CTNNA3: variants seen among roughly 807,000 people sequenced by gnomAD.
CTNNA3 encodes catenin alpha 3.
Under a neutral mutation model 95.7 loss-of-function variants are expected in CTNNA3, and 76 were observed. That is an observed-to-expected ratio of 0.79 (90% CI 0.66 to 0.96). The LOEUF (loss-of-function observed/expected upper bound fraction) is 0.96. Among genes scored for constraint, CTNNA3 ranks in the 40% least tolerant of loss-of-function variants. The pLI, the probability that CTNNA3 is intolerant of heterozygous loss-of-function variation, is 0.00. For synonymous variants in CTNNA3, 431 were observed against 374.4 expected (o/e 1.15, Z -1.74); for missense variants, 1,191 against 1,089.8 (o/e 1.09, Z -1.31).
At chr10:67,375,478 T>C (rs1843652003) in intron 5 of CTNNA3, among the ~76,000 whole-genome samples, 1 of 152,036 alleles carries the variant, frequency 6.6e-6, no homozygotes, top group South Asian at 2.1e-4. Flanking sequence ...CTGGGCGTGA[T>C]GGCATGTTAC....
intron 14 of CTNNA3, among the ~76,000 whole-genome samples, chr10:66,075,239 T>A (rs2080527543): frequency 6.6e-6 from 1 of 151,682 alleles, no homozygotes; most frequent in Non-Finnish European, 1.5e-5. Flanking sequence ...TTTAAATGAC[T>A]ATAATTACCC....
At chr10:66,827,444 CTCTACTTCT>C (rs1380439525) in intron 7 of CTNNA3, among the ~76,000 whole-genome samples, 1 of 152,202 alleles carries the variant, frequency 6.6e-6, no homozygotes, top group Non-Finnish European at 1.5e-5. Context: ...TTACCAAACA[CTCTACTTCT>C]TCATATTCAG....
intron 7 of CTNNA3, among the ~76,000 whole-genome samples, chr10:66,805,140 T>C (rs1465706827): frequency 6.6e-6 from 1 of 152,094 alleles, no homozygotes; most frequent in Non-Finnish European, 1.5e-5. Context: ...ATTAAACATG[T>C]CCTGTATGAC....
At chr10:66,836,805 C>A (rs1233786922) in intron 7 of CTNNA3, among the ~76,000 whole-genome samples, 1 of 152,098 alleles carries the variant, frequency 6.6e-6, no homozygotes, top group Admixed American at 6.5e-5. Context: ...TGAACCTCTA[C>A]TAAACTATTC....
chr10:66,297,089 T>C (rs1296256235), intron 12 of CTNNA3, among the ~76,000 whole-genome samples: 1 of 152,186 alleles, frequency 6.6e-6, no homozygotes, highest in Non-Finnish European at 1.5e-5. Context: ...TAATGAAATA[T>C]AATGTGTGAG....
chr10:67,606,788 A>G, intron 3 of CTNNA3, 69 bp downstream of exon 3: 1 of 1,264,626 alleles, frequency 7.9e-7, no homozygotes, highest in Non-Finnish European at 1.1e-6. Flanking sequence ...AAACACTCAC[A>G]AATCTAATTT....
At chr10:66,331,637 C>A (rs948015192) in intron 12 of CTNNA3, among the ~76,000 whole-genome samples, 2 of 151,806 alleles carry the variant, frequency 1.3e-5, no homozygotes, top group Non-Finnish European at 2.9e-5. Context: ...TTTCTGAGGG[C>A]TCTGTTCTGT....
intron 13 of CTNNA3, among the ~76,000 whole-genome samples, chr10:66,186,848 T>TC (rs1434651694): frequency 6.6e-6 from 1 of 152,156 alleles, no homozygotes; most frequent in Non-Finnish European, 1.5e-5. Context: ...AAGGTGAACT[T>TC]CAACTTTTTT....
At chr10:67,581,773 C>G (rs1041583664) in intron 3 of CTNNA3, among the ~76,000 whole-genome samples, 14 of 152,148 alleles carry the variant, frequency 9.2e-5, no homozygotes, top group Non-Finnish European at 1.6e-4. Flanking sequence ...CAACTTCTTC[C>G]TGGTTTAGTC....
At chr10:67,242,949 AT>A (rs1865771462) in intron 5 of CTNNA3, among the ~76,000 whole-genome samples, 2 of 152,228 alleles carry the variant, frequency 1.3e-5, no homozygotes, top group South Asian at 4.1e-4. Flanking sequence ...AAGTTAAATG[AT>A]TTAATGTCAA....
At chr10:67,531,105 C>G (rs1244719597) in intron 4 of CTNNA3, among the ~76,000 whole-genome samples, 1 of 152,208 alleles carries the variant, frequency 6.6e-6, no homozygotes, top group Non-Finnish European at 1.5e-5. Context: ...GGGCAGGGCT[C>G]TCATGGAGAA....
chr10:67,007,173 C>T (rs141340348), intron 7 of CTNNA3, among the ~76,000 whole-genome samples: 2 of 152,280 alleles, frequency 1.3e-5, no homozygotes, highest in Non-Finnish European at 2.9e-5. Flanking sequence ...GCCTCTGTGA[C>T]TCCTAAACCA....
intron 9 of CTNNA3, among the ~76,000 whole-genome samples, chr10:66,700,828 T>A (rs1847919122): frequency 1.3e-5 from 2 of 152,214 alleles, no homozygotes; most frequent in Non-Finnish European, 2.9e-5. Flanking sequence ...CTAGAATACA[T>A]AATTTTATTC....
intron 12 of CTNNA3, among the ~76,000 whole-genome samples, chr10:66,362,090 T>C (rs1003928485): frequency 3.5e-5 from 5 of 142,296 alleles, no homozygotes; most frequent in African/African-American, 1.3e-4. Flanking sequence ...CAGAGGTTCA[T>C]ACACAATTTT....
chr10:67,560,841 G>C (rs963158397), intron 3 of CTNNA3, among the ~76,000 whole-genome samples: 2 of 152,020 alleles, frequency 1.3e-5, no homozygotes, highest in Non-Finnish European at 2.9e-5. Context: ...TGCAATCCTA[G>C]TCTCTAATAA....
chr10:67,115,309 T>C (rs750925809), intron 7 of CTNNA3, among the ~76,000 whole-genome samples: 9 of 151,058 alleles, frequency 6.0e-5, no homozygotes, highest in Non-Finnish European at 1.2e-4. Context: ...AGATATTATG[T>C]TTTTCAGTAA....
At chr10:67,040,402 C>A (rs1854320848) in intron 7 of CTNNA3, among the ~76,000 whole-genome samples, 1 of 151,954 alleles carries the variant, frequency 6.6e-6, no homozygotes, top group Admixed American at 6.6e-5. Flanking sequence ...TAATGGGAGC[C>A]ACTGCACAAA....
intron 7 of CTNNA3, among the ~76,000 whole-genome samples, chr10:66,997,090 G>C (rs1358841341): frequency 1.3e-5 from 2 of 152,140 alleles, no homozygotes; most frequent in Non-Finnish European, 2.9e-5. Flanking sequence ...TTTTAGATGT[G>C]ATGGCAAGAA....
chr10:67,612,708 C>T (rs535648628), intron 2 of CTNNA3, among the ~76,000 whole-genome samples: 2 of 152,160 alleles, frequency 1.3e-5, no homozygotes, highest in Non-Finnish European at 2.9e-5. Context: ...TGCCTCTCCA[C>T]CATCTGTATT....
Sources: allele counts gnomAD v4.1 joint callset (sites outside exome capture counted in the v4.1 genomes callset), GRCh38; gene constraint gnomAD v4.1.1; transcripts MANE v1.5; gene names NCBI Gene and HGNC (gene_info 2026-07-23, HGNC 2026-07-21).